The following GRXCR1 variants were observed in gnomAD, a reference collection of about 807,000 sequenced individuals.
GRXCR1 encodes the protein glutaredoxin and cysteine rich domain containing 1, also known as glutaredoxin domain-containing cysteine-rich protein 1.
GRXCR1 carries 27 observed loss-of-function variants against 27.3 expected under a neutral mutation model. The observed-to-expected ratio is 0.99, with a 90% CI of 0.73 to 1.37. GRXCR1 has a LOEUF of 1.37. Ranked by LOEUF, GRXCR1 falls within the 40% of genes most tolerant of loss-of-function variation. The probability of loss-of-function intolerance (pLI) is 0.00; values close to 1 mark genes in which losing one functional copy is unlikely to be tolerated. For synonymous variants in GRXCR1, 122 were observed against 131.1 expected (o/e 0.93, Z 0.47); for missense variants, 379 against 354.4 (o/e 1.07, Z -0.56).
chr4:43,013,358 T>C (rs1712820899), intron 2 of GRXCR1, among the ~76,000 whole-genome samples: 1 of 152,212 alleles, frequency 6.6e-6, no homozygotes, highest in South Asian at 2.1e-4. Context: ...AGGGCCATTA[T>C]CATAAGTGAA....
intron 1 of GRXCR1, among the ~76,000 whole-genome samples, chr4:42,910,158 C>T (rs766132679): frequency 2.0e-5 from 3 of 152,032 alleles, no homozygotes; most frequent in East Asian, 1.9e-4. Context: ...TCAGATCTCA[C>T]GAGAACTCAC....
intron 2 of GRXCR1, among the ~76,000 whole-genome samples, chr4:43,006,275 G>C (rs1278059327): frequency 6.2e-4 from 95 of 152,296 alleles, no homozygotes; most frequent in African/African-American, 1.9e-3. Context: ...CTTGAAAAAA[G>C]AACAGGATAA....
At chr4:42,910,584 G>A (rs1746700467) in intron 1 of GRXCR1, among the ~76,000 whole-genome samples, 1 of 152,104 alleles carries the variant, frequency 6.6e-6, no homozygotes, top group African/African-American at 2.4e-5. Flanking sequence ...CTCTCAGCAA[G>A]TTTCTATTAG....
rs189705428 is a variant in GRXCR1, at chr4:42,939,047, G to T, written c.385-23845G>T. Among the ~76,000 whole-genome samples the T allele has an allele frequency of 1.1e-4, 16 of 152,118 alleles. No homozygotes were observed. In the East Asian group the frequency reaches 1.4e-3, roughly 13 times the overall value. ...TGCTTTTTCTACTTCTGTAAAGAAT[G>T]TCATCAGTATTTTGATAGGCATTGC... is the stretch of plus-strand genomic sequence containing the variant. On this transcript the variant is annotated intron_variant, in intron 1 of 3. Coordinates refer to ENST00000399770, the MANE Select transcript of GRXCR1 (RefSeq NM_001080476.3).
intron 2 of GRXCR1, among the ~76,000 whole-genome samples, chr4:42,980,396 A>G (rs1018859866): frequency 4.0e-5 from 6 of 151,748 alleles, no homozygotes; most frequent in East Asian, 1.9e-4. Flanking sequence ...TCTTCATTCA[A>G]CCGTTGATTT....
chr4:42,911,500 G>T (rs191245086), intron 1 of GRXCR1, among the ~76,000 whole-genome samples: 6 of 152,202 alleles, frequency 3.9e-5, no homozygotes, highest in Admixed American at 3.9e-4. Flanking sequence ...TAGTATGGGT[G>T]AACAGGAAAA....
intron 1 of GRXCR1, among the ~76,000 whole-genome samples, chr4:42,902,108 T>G (rs994716976): frequency 2.6e-5 from 4 of 152,186 alleles, no homozygotes; most frequent in Non-Finnish European, 4.4e-5. Context: ...TATCTTAGTA[T>G]TATATACCTT....
At chr4:42,917,641 G>T (rs1427731948) in intron 1 of GRXCR1, among the ~76,000 whole-genome samples, 1 of 152,098 alleles carries the variant, frequency 6.6e-6, no homozygotes, top group Non-Finnish European at 1.5e-5. Context: ...GGGCTTTTTA[G>T]AGTTCCTGAG....
At position 43,026,357 on chromosome 4, in the gene GRXCR1, A is replaced by T. The variant is rs187107623; in HGVS notation, c.694-4004A>T. Among the ~76,000 whole-genome samples, 6 of 152,240 alleles carry T rather than the reference A, an allele frequency of 3.9e-5. No individual in the cohort carries two copies. The East Asian group carries it at 1.2e-3, about 29-fold the overall frequency. ...GAAAGACATGGCTAGGCATGACTAA[A>T]TTATTTATTCTTATTAGAATAATAA... is the stretch of plus-strand genomic sequence containing the variant. On this transcript the variant is annotated intron_variant, in intron 3 of 3. Transcript: ENST00000399770.
intron 1 of GRXCR1, among the ~76,000 whole-genome samples, chr4:42,961,374 C>T (rs1396100258): frequency 6.6e-6 from 1 of 151,898 alleles, no homozygotes; most frequent in African/African-American, 2.4e-5. Context: ...TATTGGTCCA[C>T]ATGATCTTTA....
chr4:42,910,315 T>G (rs1313407244), intron 1 of GRXCR1, among the ~76,000 whole-genome samples: 1 of 152,196 alleles, frequency 6.6e-6, no homozygotes, highest in Non-Finnish European at 1.5e-5. Context: ...TATTGATTAC[T>G]GCTATGAACC....
At chr4:42,899,669 C>A (rs1746421711) in intron 1 of GRXCR1, among the ~76,000 whole-genome samples, 1 of 152,216 alleles carries the variant, frequency 6.6e-6, no homozygotes, top group African/African-American at 2.4e-5. Context: ...CTTGATCCTG[C>A]AAATCTCTAG....
chr4:43,025,548 C>T (rs765735523), intron 3 of GRXCR1, among the ~76,000 whole-genome samples: 1 of 152,320 alleles, frequency 6.6e-6, no homozygotes, highest in African/African-American at 2.4e-5. Flanking sequence ...CTTGTCTCAA[C>T]CCAAACCACT....
chr4:42,893,704 A>G (rs1746285954), intron 1 of GRXCR1, 54 bp downstream of exon 1: 5 of 1,544,344 alleles, frequency 3.2e-6, no homozygotes, highest in Non-Finnish European at 4.4e-6. Context: ...CACCATCTGA[A>G]CACCTCTCAG....
chr4:42,931,203 T>C (rs145198236), intron 1 of GRXCR1, among the ~76,000 whole-genome samples: 1 of 152,160 alleles, frequency 6.6e-6, no homozygotes, highest in Non-Finnish European at 1.5e-5. Flanking sequence ...AAAGGTTTTC[T>C]GTCCTGGTTA....
intron 3 of GRXCR1, among the ~76,000 whole-genome samples, chr4:43,022,384 C>T (rs2109808173): frequency 6.6e-6 from 1 of 152,240 alleles, no homozygotes; most frequent in Admixed American, 6.5e-5. Flanking sequence ...ACAACTTGAT[C>T]AACAGTACCA....
At chr4:42,938,258 T>G (rs1308246769) in intron 1 of GRXCR1, among the ~76,000 whole-genome samples, 1 of 152,024 alleles carries the variant, frequency 6.6e-6, no homozygotes, top group Non-Finnish European at 1.5e-5. Context: ...AGGATCTCAT[T>G]CTTTTTTATG....
intron 2 of GRXCR1, among the ~76,000 whole-genome samples, chr4:43,010,727 A>C (rs1018121375): frequency 6.6e-6 from 1 of 152,172 alleles, no homozygotes; most frequent in Non-Finnish European, 1.5e-5. Flanking sequence ...TCGCTTATTT[A>C]AAAAAGATTT....
At chr4:43,010,184 C>T (rs1241505358) in intron 2 of GRXCR1, among the ~76,000 whole-genome samples, 1 of 152,048 alleles carries the variant, frequency 6.6e-6, no homozygotes, top group Admixed American at 6.6e-5. Flanking sequence ...GGTGGATCAC[C>T]TGAGGTCAGG....
Sources: allele counts gnomAD v4.1 joint callset (sites outside exome capture counted in the v4.1 genomes callset), GRCh38; gene constraint gnomAD v4.1.1; transcripts MANE v1.5; gene names NCBI Gene and HGNC (gene_info 2026-07-23, HGNC 2026-07-21).